Variants in RGS6 observed in about 807,000 individuals in gnomAD.
RGS6 encodes regulator of G protein signaling 6.
A neutral mutation model predicts 78.5 loss-of-function variants in RGS6; 30 were observed. That is an observed-to-expected ratio of 0.38 (90% CI 0.29 to 0.52). The LOEUF (loss-of-function observed/expected upper bound fraction) is 0.52, where lower values mean the gene tolerates loss of function less well. Ranked by LOEUF, RGS6 falls within the 20% of genes least tolerant of loss-of-function variation. The pLI is 0.85. For synonymous variants in RGS6, 206 were observed against 206.0 expected (o/e 1.00, Z 0.00); for missense variants, 495 against 609.7 (o/e 0.81, Z 1.98).
chr14:72,266,848 G>A (rs1040768948), intron 2 of RGS6, among the ~76,000 whole-genome samples: 8 of 152,204 alleles, frequency 5.3e-5, no homozygotes, highest in Non-Finnish European at 1.5e-5. Flanking sequence ...CAGCCAGGCT[G>A]GGTGAGGGCA....
chr14:72,143,628 G>A (rs569197269), intron 2 of RGS6, among the ~76,000 whole-genome samples: 1 of 152,202 alleles, frequency 6.6e-6, no homozygotes, highest in African/African-American at 2.4e-5. Context: ...AAAATTAGTG[G>A]ACACTTCAGC....
At chr14:72,117,500 G>A (rs1036264408) in intron 2 of RGS6, among the ~76,000 whole-genome samples, 12 of 152,106 alleles carry the variant, frequency 7.9e-5, no homozygotes, top group East Asian at 1.9e-4. Context: ...TATTGGCACC[G>A]TGCTTTGTGT....
At chr14:72,251,523 C>T (rs986932496) in intron 2 of RGS6, among the ~76,000 whole-genome samples, 2 of 152,168 alleles carry the variant, frequency 1.3e-5, no homozygotes, top group African/African-American at 4.8e-5. Context: ...AAGTGGTCAG[C>T]ATGCCAAAGC....
intron 2 of RGS6, among the ~76,000 whole-genome samples, chr14:72,146,204 A>G (rs2096604774): frequency 6.6e-6 from 1 of 152,088 alleles, no homozygotes; most frequent in African/African-American, 2.4e-5. Flanking sequence ...CACAATAATG[A>G]CATCAATCCA....
chr14:72,163,268 T>C (rs1238982253), intron 2 of RGS6, among the ~76,000 whole-genome samples: 2 of 152,242 alleles, frequency 1.3e-5, no homozygotes, highest in Admixed American at 6.5e-5. Flanking sequence ...TAGAGCCTCC[T>C]TTCTGGGAAA....
chr14:72,498,497 C>T (rs1385341553), intron 13 of RGS6, among the ~76,000 whole-genome samples: 1 of 152,188 alleles, frequency 6.6e-6, no homozygotes, highest in African/African-American at 2.4e-5. Context: ...ATGCCTGGTC[C>T]TCACACACAG....
chr14:72,572,265 C>T, the RGS6 span, among the ~76,000 whole-genome samples: 1 of 152,152 alleles, frequency 6.6e-6, no homozygotes, highest in Non-Finnish European at 1.5e-5. Flanking sequence ...AATAGAGTTA[C>T]TCTATGACCC....
At chr14:72,253,554 T>C (rs1266051893) in intron 2 of RGS6, among the ~76,000 whole-genome samples, 1 of 152,218 alleles carries the variant, frequency 6.6e-6, no homozygotes, top group Non-Finnish European at 1.5e-5. Flanking sequence ...TATGTGCCAA[T>C]AAAACTTTAT....
At chr14:71,894,693 A>G in the RGS6 span, among the ~76,000 whole-genome samples, 2 of 152,268 alleles carry the variant, frequency 1.3e-5, no homozygotes, top group Non-Finnish European at 2.9e-5. Context: ...ATACTATCCC[A>G]GTACCTAAAA....
chr14:72,078,789 A>C (rs1253272146), intron 2 of RGS6, among the ~76,000 whole-genome samples: 1 of 152,144 alleles, frequency 6.6e-6, no homozygotes, highest in Non-Finnish European at 1.5e-5. Context: ...GATCCTCTTC[A>C]TTATTCTTCT....
At chr14:72,412,712 T>C (rs931544227) in intron 3 of RGS6, among the ~76,000 whole-genome samples, 7 of 152,224 alleles carry the variant, frequency 4.6e-5, no homozygotes, top group Non-Finnish European at 8.8e-5. Flanking sequence ...TTTAGTGCTA[T>C]AAATTTCCCT....
the RGS6 span, chr14:72,619,351 G>A: frequency 6.5e-7 from 1 of 1,536,142 alleles, no homozygotes; most frequent in South Asian, 1.2e-5. Context: ...CCCAGCATAA[G>A]TGGCAGCTCC....
At chr14:72,207,616 A>G (rs944895029) in intron 2 of RGS6, among the ~76,000 whole-genome samples, 1 of 152,028 alleles carries the variant, frequency 6.6e-6, no homozygotes, top group Non-Finnish European at 1.5e-5. Flanking sequence ...CAACACCTTT[A>G]TCTTCAACTC....
chr14:72,606,621 G>A, the RGS6 span, among the ~76,000 whole-genome samples: 1 of 152,190 alleles, frequency 6.6e-6, no homozygotes, highest in Non-Finnish European at 1.5e-5. Context: ...CTCTGCGTTT[G>A]CTTGAACATA....
intron 3 of RGS6, among the ~76,000 whole-genome samples, chr14:72,397,034 T>G (rs1233100398): frequency 6.6e-6 from 1 of 152,238 alleles, no homozygotes; most frequent in African/African-American, 2.4e-5. Context: ...GCGGGCTCTT[T>G]TTTTGGTTCC....
chr14:72,020,560 A>ATTC (rs3831617), intron 2 of RGS6, among the ~76,000 whole-genome samples: 101,056 of 151,754 alleles, frequency 0.67, 33,771 homozygotes, highest in Middle Eastern at 0.71. Context: ...TGCTCTGTGA[A>ATTC]TTCTTCTTCT....
In RGS6 at chr14:72,110,766, ATCT is replaced by A. The variant is rs1431737593; in HGVS notation, c.84+145895_84+145897del. On this transcript the variant is annotated intron_variant, in intron 2 of 17. Coordinates refer to ENST00000553525, the MANE Select transcript of RGS6 (RefSeq NM_001204424.2). ...TTTGGGGGAAAGAAGTTTTTGTCTGATCTTCTATATTCATTGACCCAGACAAGT... is the reference window on the plus strand; with the variant it reads ...TTTGGGGGAAAGAAGTTTTTGTCTGATCTATATTCATTGACCCAGACAAGT... Among the ~76,000 whole-genome samples, 3 of 152,304 alleles carry A rather than the reference ATCT, an allele frequency of 2.0e-5. No homozygotes were observed. In the East Asian group the frequency reaches 5.8e-4, roughly 29 times the overall value.
chr14:72,377,479 G>A (rs1381569377), intron 3 of RGS6, among the ~76,000 whole-genome samples: 1 of 151,754 alleles, frequency 6.6e-6, no homozygotes, highest in Non-Finnish European at 1.5e-5. Flanking sequence ...CTCAGCCTTC[G>A]ACAGATCATC....
At chr14:72,352,309 AGT>A (rs1191900711) in intron 3 of RGS6, 115 bp downstream of exon 3, 4 of 689,340 alleles carry the variant, frequency 5.8e-6, no homozygotes, top group Non-Finnish European at 9.7e-6. Context: ...TGAAACATTC[AGT>A]GTGTTTCTTG....
Sources: gnomAD v4.1 joint callset for allele counts (sites outside exome capture counted in the v4.1 genomes callset) on GRCh38, gnomAD v4.1.1 for gene constraint, MANE v1.5 for transcripts, NCBI Gene and HGNC (gene_info 2026-07-23, HGNC 2026-07-21) for gene names.